CHCHD5: variants seen among roughly 807,000 people sequenced by gnomAD.
The protein encoded by CHCHD5 is coiled-coil-helix-coiled-coil-helix domain containing 5.
In CHCHD5, 10 loss-of-function variants were observed where a neutral mutation model predicts 16.0. That is an observed-to-expected ratio of 0.63 (90% CI 0.39 to 1.06). The LOEUF (loss-of-function observed/expected upper bound fraction) is 1.06. CHCHD5 is among the 50% of genes least tolerant of loss of function. The pLI, the probability that CHCHD5 is intolerant of heterozygous loss-of-function variation, is 0.01. For missense variants in CHCHD5, 163 were observed against 153.4 expected (o/e 1.06, Z -0.33); for synonymous variants, 55 against 56.3 (o/e 0.98, Z 0.10).
At chr2:112,587,700 A>G (rs1446389840) in intron 3 of CHCHD5, 1 of 152,194 alleles carries the variant, frequency 6.6e-6, no homozygotes, top group African/African-American at 2.4e-5. Context: ...TAAGGCAAGG[A>G]TAAGTGAATA....
At chr2:112,584,467 G>A (rs1685137069), upstream of CHCHD5, 5 of 689,894 alleles carry the variant, frequency 7.2e-6, no homozygotes, top group South Asian at 1.7e-5. Flanking sequence ...CCGCCATGAC[G>A]AGCCGGGCCG....
intron 3 of CHCHD5, chr2:112,586,731 C>A: frequency 1.2e-6 from 1 of 863,522 alleles, no homozygotes; most frequent in Middle Eastern, 3.6e-4. Context: ...GAACAAAAGT[C>A]CAGGTCCTTG....
Position 112,584,611 on chromosome 2 carries a change from T to TC in CHCHD5, c.-31dup. The TC allele has an allele frequency of 6.2e-7, 1 of 1,611,602 alleles. No individual in the cohort carries two copies. Among genetic ancestry groups the TC allele is most frequent in the East Asian group, 2.2e-5 (1 of 44,850 alleles). On this transcript the variant is annotated 5_prime_UTR_variant, in exon 1 of 4. Transcript: ENST00000324913. ...ACCGATACCGGAAAAGGCGGGTCGT[T>TC]CCCCCCGGACAGCCCTACGCCGGCA...
chr2:112,584,523 A>T, upstream of CHCHD5: 1 of 1,203,226 alleles, frequency 8.3e-7, no homozygotes, highest in Non-Finnish European at 1.2e-6. Flanking sequence ...CCTAAAGGGA[A>T]CGGGGTTGTT....
At chr2:112,588,147 A>T (rs1196885885) in intron 3 of CHCHD5, 1 of 152,204 alleles carries the variant, frequency 6.6e-6, no homozygotes. Context: ...AATATTAGCC[A>T]GGTGTGGTGG....
chr2:112,586,579 A>G, intron 3 of CHCHD5: 1 of 1,510,812 alleles, frequency 6.6e-7, no homozygotes, highest in Non-Finnish European at 8.9e-7. Context: ...CCTCCAGGAT[A>G]CCTGCCCCAG....
In CHCHD5 at chr2:112,586,232, C is replaced by T. The variant is rs1685216148; in HGVS notation, c.176C>T (p.Ala59Val). 1 of 1,613,246 alleles carries T rather than the reference C, an allele frequency of 6.2e-7. No homozygotes were observed. Among genetic ancestry groups the T allele is most frequent in the East Asian group, 2.2e-5 (1 of 44,842 alleles). Residue 59 changes from alanine to valine, a missense_variant, in exon 3 of 4, where the codon GCT (alanine) becomes GTT (valine). Physicochemically the swap from Ala to Val is moderately conservative, Grantham distance 64. Transcript: ENST00000324913. ...PIIRQIRQAC[A>V]QPFEAFEECL... is the part of the protein sequence containing the mutation. ...ATCCGCCAGATCCGCCAGGCCTGTG[C>T]TCAGCCTTTTGAGGCCTTCGAGGAG...
intron 3 of CHCHD5, 169 bp downstream of exon 3, chr2:112,586,534 C>T: frequency 1.3e-6 from 2 of 1,543,110 alleles, no homozygotes; most frequent in Non-Finnish European, 1.8e-6. Flanking sequence ...CCCCATATAG[C>T]CCCTGCTTTA....
intron 3 of CHCHD5, chr2:112,586,583 G>A (rs1028343064): frequency 2.7e-6 from 4 of 1,507,446 alleles, no homozygotes; most frequent in Non-Finnish European, 3.6e-6. Flanking sequence ...CAGGATACCT[G>A]CCCCAGCCTT....
chr2:112,584,780 T>G (rs150969702), intron 1 of CHCHD5, 131 bp downstream of exon 1: 41 of 1,136,120 alleles, frequency 3.6e-5, no homozygotes, highest in Non-Finnish European at 5.0e-5. Flanking sequence ...CCCTCAGGAT[T>G]CAGCGCCTTC....
intron 3 of CHCHD5, chr2:112,588,660 A>T: frequency 1.8e-6 from 1 of 567,722 alleles, no homozygotes; most frequent in East Asian, 3.0e-5. Context: ...TGCTCAGTAA[A>T]TATAGCAGAA....
At chr2:112,584,520 G>A (rs1685139659), upstream of CHCHD5, 1 of 1,199,542 alleles carries the variant, frequency 8.3e-7, no homozygotes, top group Non-Finnish European at 1.2e-6. Context: ...AGTCCTAAAG[G>A]GAACGGGGTT....
chr2:112,586,163 G>A, intron 2 of CHCHD5, 37 bp from the exon 3 acceptor site: 1 of 1,609,510 alleles, frequency 6.2e-7, no homozygotes, highest in African/African-American at 1.3e-5. Context: ...CAGTGGGGTG[G>A]GAATCTCCCA....
chr2:112,586,402 A>G (rs976594673), intron 3 of CHCHD5, 37 bp downstream of exon 3: 2 of 1,614,018 alleles, frequency 1.2e-6, no homozygotes, highest in Non-Finnish European at 1.7e-6. Flanking sequence ...TCTTTTCTCC[A>G]TAACATCCCC....
chr2:112,588,774 C>A, intron 3 of CHCHD5, 92 bp from the exon 4 acceptor site: 1 of 975,344 alleles, frequency 1.0e-6, no homozygotes, highest in Non-Finnish European at 1.7e-6. Context: ...AGACTGTGGG[C>A]TCTGCAGGGT....
chr2:112,586,036 G>T lies in CHCHD5; in HGVS notation c.65G>T (p.Cys22Phe). 6.2e-7 allele frequency: 1 copy of T among 1,614,274 alleles called. No homozygotes were observed. The highest frequency in any genetic ancestry group is 8.5e-7 in the Non-Finnish European group (1 of 1,180,042). Reference sequence around the variant, plus strand: ...CGGGAGCTGGAGCAGTATGGCCAGTGTGTGGCGGCCAAGCCGGAATCCTGG... The same window carrying T: ...CGGGAGCTGGAGCAGTATGGCCAGTTTGTGGCGGCCAAGCCGGAATCCTGG... ...CGRELEQYGQ[C>F]VAAKPESWQR... Residue 22 changes from cysteine (C) to phenylalanine (F), a missense_variant, in exon 2 of 4, where the codon TGT becomes TTT. Cys to Phe is a radical substitution (Grantham distance 205). Transcript: ENST00000324913.
rs779454543 is a variant in CHCHD5 at position 112,586,009 on chromosome 2, G to A, written c.38G>A (p.Gly13Asp). 4.3e-6 allele frequency: 7 copies of A among 1,614,138 alleles called. No individual in the cohort carries two copies. The highest frequency in any genetic ancestry group is 2.7e-5 in the African/African-American group (2 of 74,950). ...AALEVTARYC[G>D]RELEQYGQCV... ...CTAGAGGTCACCGCTCGCTACTGTG[G>A]CCGGGAGCTGGAGCAGTATGGCCAG... Residue 13 changes from glycine to aspartate, a missense_variant, in exon 2 of 4, where the codon GGC becomes GAC. By Grantham distance (94) the Gly-to-Asp change is moderately conservative. Coordinates refer to ENST00000324913, the MANE Select transcript of CHCHD5 (RefSeq NM_032309.4).
intron 1 of CHCHD5, 71 bp from the exon 2 acceptor site, chr2:112,585,903 T>TAAA: frequency 2.3e-6 from 3 of 1,283,140 alleles, no homozygotes; most frequent in Admixed American, 2.3e-5. Flanking sequence ...CTCTAAAAAA[T>TAAA]AAAAAAAAAA....
chr2:112,585,839 A>T, intron 1 of CHCHD5, 135 bp from the exon 2 acceptor site: 1 of 967,698 alleles, frequency 1.0e-6, no homozygotes, highest in Non-Finnish European at 1.5e-6. Context: ...TGGTGGCTAC[A>T]GTGAGCTATG....
Sources: allele counts gnomAD v4.1 joint callset, GRCh38; gene constraint gnomAD v4.1.1; transcripts MANE v1.5; gene names NCBI Gene and HGNC (gene_info 2026-07-23, HGNC 2026-07-21).